The following NMBR variants were observed in gnomAD, a reference collection of about 807,000 sequenced individuals.
The protein encoded by NMBR is neuromedin-B receptor.
NMBR carries 16 observed loss-of-function variants against 20.5 expected under a neutral mutation model. That is an observed-to-expected ratio of 0.78 (90% CI 0.53 to 1.19). The LOEUF is 1.19. NMBR is among the 50% of genes most tolerant of loss of function. The probability of loss-of-function intolerance (pLI) is 0.00; values close to 1 mark genes in which losing one functional copy is unlikely to be tolerated. For synonymous variants in NMBR, 212 were observed against 196.6 expected (o/e 1.08, Z -0.65); for missense variants, 582 against 499.1 (o/e 1.17, Z -1.58).
At chr6:142,118,879 G>A (rs1777897314) in intron 1 of NMBR, among the ~76,000 whole-genome samples, 1 of 151,966 alleles carries the variant, frequency 6.6e-6, no homozygotes, top group Admixed American at 6.6e-5. Context: ...TGCTCCCCAA[G>A]TGTATTAGAT....
chr6:142,123,916 T>A (rs1435543105), intron 1 of NMBR, among the ~76,000 whole-genome samples: 1 of 151,796 alleles, frequency 6.6e-6, no homozygotes, highest in Non-Finnish European at 1.5e-5. Flanking sequence ...AAGCCATAAA[T>A]AGGATTAACT....
At chr6:142,110,868 T>A (rs1777750664) in intron 1 of NMBR, among the ~76,000 whole-genome samples, 1 of 152,160 alleles carries the variant, frequency 6.6e-6, no homozygotes, top group Non-Finnish European at 1.5e-5. Flanking sequence ...CTATGGAGGT[T>A]TCTAAATGGG....
intron 1 of NMBR, among the ~76,000 whole-genome samples, chr6:142,141,379 A>T (rs1778358502): frequency 6.6e-6 from 1 of 152,210 alleles, no homozygotes; most frequent in African/African-American, 2.4e-5. Flanking sequence ...ATGCAAATAC[A>T]ACTTATCAAA....
At chr6:142,076,463 A>G (rs1298871620) in intron 3 of NMBR, among the ~76,000 whole-genome samples, 7 of 152,194 alleles carry the variant, frequency 4.6e-5, no homozygotes, top group African/African-American at 1.7e-4. Context: ...AATAGGAAAA[A>G]CTGATCTGAT....
intron 2 of NMBR, among the ~76,000 whole-genome samples, chr6:142,086,951 A>T (rs1238233756): frequency 6.6e-6 from 1 of 152,184 alleles, no homozygotes; most frequent in Non-Finnish European, 1.5e-5. Context: ...GTAAAATAAG[A>T]TTGCATAAAG....
chr6:142,088,364 CCGGGACGCA>C lies in NMBR; in HGVS notation c.286_294del (p.Cys96_Pro98del). 6.2e-7 allele frequency: 1 copy of C among 1,614,132 alleles called. No individual in the cohort carries two copies. The highest frequency in any genetic ancestry group is 1.1e-5 in the South Asian group (1 of 91,070). On this transcript the variant is annotated inframe_deletion, in exon 2 of 4. Coordinates refer to ENST00000258042, the MANE Select transcript of NMBR (RefSeq NM_002511.4). ...TCGAAGAAGTAGCGCGAGGCGTCCACCGGGACGCAGGTGAGCAGCAGCAGCAAGTCCCCG... is the reference window on the plus strand; with the variant it reads ...TCGAAGAAGTAGCGCGAGGCGTCCACGGTGAGCAGCAGCAGCAAGTCCCCG...
intron 1 of NMBR, among the ~76,000 whole-genome samples, chr6:142,100,305 A>C (rs201241178): frequency 0.26 from 38,798 of 152,004 alleles, 5,632 homozygotes; most frequent in East Asian, 0.7. Context: ...AGTTGGAAGA[A>C]AGATGTCCTT....
chr6:142,105,813 T>C (rs1284420093), intron 1 of NMBR, among the ~76,000 whole-genome samples: 1 of 152,180 alleles, frequency 6.6e-6, no homozygotes, highest in Non-Finnish European at 1.5e-5. Flanking sequence ...CATTTGTAGA[T>C]AAAAAACATT....
chr6:142,105,584 A>G (rs1255801478), intron 1 of NMBR, among the ~76,000 whole-genome samples: 1 of 152,218 alleles, frequency 6.6e-6, no homozygotes, highest in Non-Finnish European at 1.5e-5. Flanking sequence ...CAAACTAGAC[A>G]AAATTTTTAA....
At chr6:142,145,552 C>G (rs1330626075) in intron 1 of NMBR, among the ~76,000 whole-genome samples, 1 of 151,810 alleles carries the variant, frequency 6.6e-6, no homozygotes, top group Non-Finnish European at 1.5e-5. Flanking sequence ...ATATAAAGAC[C>G]CTAGAAACAT....
At chr6:142,126,757 ATTT>A (rs34631481) in intron 1 of NMBR, among the ~76,000 whole-genome samples, 30 of 51,358 alleles carry the variant, frequency 5.8e-4, no homozygotes, top group African/African-American at 1.9e-3. Context: ...TATTTGAGGG[ATTT>A]TTTTTTTTTT....
Position 142,076,047 on chromosome 6 carries a change from C to T in NMBR, c.774G>A (p.Met258Ile), listed in dbSNP as rs868337437. 1 of 1,564,566 alleles carries T rather than the reference C, an allele frequency of 6.4e-7. No homozygotes were observed. The highest frequency in any genetic ancestry group is 2.0e-5 in the Admixed American group (1 of 50,316). Residue 258 changes from methionine to isoleucine, a missense_variant and splice_region_variant, in exon 4 of 4, where the codon ATG becomes ATA. Met to Ile is a conservative substitution (Grantham distance 10, BLOSUM62 1). Coordinates refer to ENST00000258042, the MANE Select transcript of NMBR (RefSeq NM_002511.4). ...TTTTAGCCAGGCGTTTCCGTGTTTC[C>T]ATCTGCAAATATAAGAAATTGATCC... is the stretch of plus-strand genomic sequence containing the variant. ...GEYNEHTKKQ[M>I]ETRKRLAKIV...
At chr6:142,110,624 G>T (rs1304538543) in intron 1 of NMBR, among the ~76,000 whole-genome samples, 1 of 152,078 alleles carries the variant, frequency 6.6e-6, no homozygotes, top group Non-Finnish European at 1.5e-5. Context: ...TCTTTTGAGG[G>T]TGATAATATT....
chr6:142,089,223 A>G lies in NMBR; in HGVS notation c.-565T>C, dbSNP rs1582840998. Reference sequence around the variant, plus strand: ...CCTCCATGCATGTGTGTGTGCCCCTATATACATCCATCCTTACCCGCCTCC... The same window carrying G: ...CCTCCATGCATGTGTGTGTGCCCCTGTATACATCCATCCTTACCCGCCTCC... On this transcript the variant is annotated 5_prime_UTR_variant, in exon 2 of 4. The change abolishes the stop of an existing upstream ORF in the 5' untranslated region. Coordinates refer to ENST00000258042, the MANE Select transcript of NMBR (RefSeq NM_002511.4). 6.5e-6 allele frequency: 1 copy of G among 152,996 alleles called. No individual in the cohort carries two copies. Among genetic ancestry groups the G allele is most frequent in the East Asian group, 1.9e-4 (1 of 5,164 alleles). 9.5% of individuals were successfully genotyped at this position (152,996 alleles called of 1,614,324 possible).
intron 1 of NMBR, among the ~76,000 whole-genome samples, chr6:142,099,232 T>A (rs1466997850): frequency 1.3e-5 from 2 of 152,152 alleles, no homozygotes; most frequent in African/African-American, 4.8e-5. Context: ...GAAGAAAATC[T>A]AGATGAACTT....
chr6:142,124,241 C>CT (rs1777995381), intron 1 of NMBR, among the ~76,000 whole-genome samples: 1 of 151,824 alleles, frequency 6.6e-6, no homozygotes, highest in Admixed American at 6.6e-5. Context: ...TTTTCCAAGA[C>CT]TTTTTTATTA....
intron 1 of NMBR, among the ~76,000 whole-genome samples, chr6:142,124,639 A>G (rs141488459): frequency 1.7e-3 from 258 of 152,028 alleles, no homozygotes; most frequent in Non-Finnish European, 3.0e-3. Context: ...TAATAGCTGT[A>G]GATATGCGAA....
chr6:142,088,302 G>T lies in NMBR; in HGVS notation c.357C>A (p.Ile119=). The change falls in exon 2 of 4, where the codon ATC becomes ATA. Residue 119 remains isoleucine, a synonymous_variant. Coordinates refer to ENST00000258042, the MANE Select transcript of NMBR (RefSeq NM_002511.4). The stretch of plus-strand genomic sequence containing the variant: ...CCACGGAAGTGAGCTGGATGACAGG[G>T]ATCAGTTTGCAGCCCACCTTGCCAA... ...WMFGKVGCKL[I]PVIQLTSVGV... is the part of the protein sequence containing the mutation. The T allele has an allele frequency of 6.2e-7, 1 of 1,614,070 alleles. No homozygotes were observed. The highest frequency in any genetic ancestry group is 8.5e-7 in the Non-Finnish European group (1 of 1,180,034).
At chr6:142,098,084 C>T (rs918028058) in intron 1 of NMBR, among the ~76,000 whole-genome samples, 3 of 151,900 alleles carry the variant, frequency 2.0e-5, no homozygotes, top group African/African-American at 7.3e-5. Context: ...ACAGTTGGAT[C>T]TCCAAAGGAC....
Sources: allele counts gnomAD v4.1 joint callset (sites outside exome capture counted in the v4.1 genomes callset), GRCh38; gene constraint gnomAD v4.1.1; transcripts MANE v1.5; gene names NCBI Gene and HGNC (gene_info 2026-07-23, HGNC 2026-07-21).